Variants in DHTKD1 observed in about 807,000 individuals in gnomAD.
The protein encoded by DHTKD1 is dehydrogenase E1 and transketolase domain containing 1, also known as 2-oxoadipate dehydrogenase complex component E1.
A neutral mutation model predicts 101.8 loss-of-function variants in DHTKD1; 78 were observed. The observed-to-expected ratio is 0.77, with a 90% CI of 0.64 to 0.93. The LOEUF (loss-of-function observed/expected upper bound fraction) is 0.93. Ranked by LOEUF, DHTKD1 falls within the 40% of genes least tolerant of loss-of-function variation. The pLI is 0.00. For missense variants in DHTKD1, 1,223 were observed against 1,161.7 expected (o/e 1.05, Z -0.77); for synonymous variants, 462 against 450.3 (o/e 1.03, Z -0.33).
At chr10:12,092,072 C>T (rs1035257371) in intron 6 of DHTKD1, among the ~76,000 whole-genome samples, 1 of 151,592 alleles carries the variant, frequency 6.6e-6, no homozygotes, top group Non-Finnish European at 1.5e-5. Context: ...CAACCTCCGC[C>T]TTTCAGGTTC....
At chr10:12,105,235 A>G (rs1833224518) in intron 10 of DHTKD1, among the ~76,000 whole-genome samples, 1 of 152,234 alleles carries the variant, frequency 6.6e-6, no homozygotes, top group African/African-American at 2.4e-5. Flanking sequence ...CTTTTGATTT[A>G]CCATGCAAAT....
chr10:12,080,509 A>G (rs1832799089), intron 1 of DHTKD1, among the ~76,000 whole-genome samples: 2 of 151,764 alleles, frequency 1.3e-5, no homozygotes, highest in Non-Finnish European at 2.9e-5. Context: ...CAGGAGATCA[A>G]GACCATCCTG....
chr10:12,106,480 C>A, intron 11 of DHTKD1, 84 bp downstream of exon 11: 1 of 1,552,712 alleles, frequency 6.4e-7, no homozygotes, highest in Non-Finnish European at 8.8e-7. Flanking sequence ...GAAAAGGGGC[C>A]ACTGCTGCCT....
At chr10:12,106,982 C>CTT (rs1403897195) in intron 11 of DHTKD1, among the ~76,000 whole-genome samples, 3 of 149,484 alleles carry the variant, frequency 2.0e-5, no homozygotes, top group South Asian at 4.2e-4. Context: ...CATTCTTTTT[C>CTT]TTTTCTTTTT....
chr10:12,101,494 T>G (rs751269849), intron 10 of DHTKD1, among the ~76,000 whole-genome samples: 3 of 152,244 alleles, frequency 2.0e-5, no homozygotes, highest in African/African-American at 7.2e-5. Flanking sequence ...GTCAAAGATA[T>G]GGATAAGTCA....
chr10:12,077,334 TCTC>T lies in DHTKD1; in HGVS notation c.155-4135_155-4133del, dbSNP rs375862330. 4.8e-3 allele frequency among the ~76,000 whole-genome samples: 734 copies of T among 152,146 alleles called. 16 individuals carry two copies. The highest frequency in any genetic ancestry group is 0.011 in the East Asian group (56 of 5,178). On this transcript the variant is annotated intron_variant, in intron 1 of 16. Transcript: ENST00000263035. ...CCTCTGCCTCCTGGGTTCAAGCAATTCTCCTACTTCATCTTCCTGAGTAGCTGG... is the reference window on the plus strand; with the variant it reads ...CCTCTGCCTCCTGGGTTCAAGCAATTCTACTTCATCTTCCTGAGTAGCTGG...
chr10:12,112,895 C>T lies in DHTKD1; in HGVS notation c.2155-5C>T, dbSNP rs1833355992. The T allele has an allele frequency of 1.3e-6, 2 of 1,589,798 alleles. No individual in the cohort carries two copies. The highest frequency in any genetic ancestry group is 1.7e-6 in the Non-Finnish European group (2 of 1,168,938). ...TCTTCTCCTTTCTTGCCACTTCTCT[C>T]CCAGATGTGTGACAGTGCGGAAGAG... On this transcript the variant is annotated splice_region_variant and splice_polypyrimidine_tract_variant and intron_variant, in intron 12 of 16. Transcript: ENST00000263035.
At position 12,089,090 on chromosome 10, in the gene DHTKD1, G is replaced by T; in HGVS notation, c.822G>T (p.Gly274=). 6.2e-7 allele frequency: 1 copy of T among 1,614,152 alleles called. No homozygotes were observed. Among genetic ancestry groups the T allele is most frequent in the Non-Finnish European group, 8.5e-7 (1 of 1,180,036 alleles). Residue 274 remains glycine, a synonymous_variant, in exon 5 of 17, where the codon GGG becomes GGT. Coordinates refer to ENST00000263035, the MANE Select transcript of DHTKD1 (RefSeq NM_018706.7). Reference sequence around the variant, plus strand: ...CCTCCTCTGTGGACCTGTACTTTGGGGCGCACCATCCCCTCCATGTGACAA... The same window carrying T: ...CCTCCTCTGTGGACCTGTACTTTGGTGCGCACCATCCCCTCCATGTGACAA... ...HLTSSVDLYF[G]AHHPLHVTML...
intron 1 of DHTKD1, among the ~76,000 whole-genome samples, chr10:12,070,770 T>A (rs1832640029): frequency 6.6e-6 from 1 of 152,224 alleles, no homozygotes; most frequent in South Asian, 2.1e-4. Flanking sequence ...ATTACAGGCA[T>A]GAGCCACCGT....
At chr10:12,088,918 C>T in intron 4 of DHTKD1, 68 bp from the exon 5 acceptor site, 1 of 1,413,478 alleles carries the variant, frequency 7.1e-7, no homozygotes. Flanking sequence ...GATTTCAACT[C>T]AGCACTTCTT....
rs1052172123 is a variant in DHTKD1, at chr10:12,107,583, A to G, written c.2048-326A>G. On this transcript the variant is annotated intron_variant, in intron 11 of 16. Coordinates refer to ENST00000263035, the MANE Select transcript of DHTKD1 (RefSeq NM_018706.7). This position sits in a 1 kb window ranked among gnomAD's most constrained non-coding sequence, Gnocchi z 4.1. ...CAGACATGTGCCACTACAGCTGGCT[A>G]ATTTTTGTATTTTTAGTAGAGACGG... is the stretch of plus-strand genomic sequence containing the variant. 6.6e-6 allele frequency among the ~76,000 whole-genome samples: 1 copy of G among 151,578 alleles called. No individual in the cohort carries two copies. Among genetic ancestry groups the G allele is most frequent in the Admixed American group, 6.6e-5 (1 of 15,208 alleles).
At chr10:12,092,311 A>G (rs1833003645) in intron 6 of DHTKD1, among the ~76,000 whole-genome samples, 1 of 152,048 alleles carries the variant, frequency 6.6e-6, no homozygotes, top group Non-Finnish European at 1.5e-5. Context: ...ATCCAAAGAA[A>G]TAAGACAAGG....
At chr10:12,086,972 C>T (rs1832912959) in intron 3 of DHTKD1, among the ~76,000 whole-genome samples, 3 of 152,174 alleles carry the variant, frequency 2.0e-5, no homozygotes. Flanking sequence ...CAGACGTGAA[C>T]CACCATGCCT....
rs41306808 is a variant in DHTKD1 at position 12,122,787 on chromosome 10, C to G, written c.*1899C>G. 8,406 of 152,222 alleles carry G rather than the reference C, an allele frequency of 0.055. 347 individuals are homozygous for G. The highest frequency in any genetic ancestry group is 0.083 in the Non-Finnish European group (5,623 of 68,032). The allele number at this position is 152,222 out of a possible 1,614,324, so 9.4% of individuals were successfully genotyped here. ...CTGGAAACGTAACTAAACAGCGAAC[C>G]ATGTAGCTTCACCTGACTCAGTGCT... On this transcript the variant is annotated 3_prime_UTR_variant, in exon 17 of 17. Coordinates refer to ENST00000263035, the MANE Select transcript of DHTKD1 (RefSeq NM_018706.7).
intron 2 of DHTKD1, among the ~76,000 whole-genome samples, chr10:12,083,853 C>T (rs1652049983): frequency 6.6e-6 from 1 of 152,062 alleles, no homozygotes; most frequent in South Asian, 2.1e-4. Context: ...GCTTCATGAC[C>T]TTTGACCATA....
At chr10:12,097,403 G>A (rs972723850) in intron 7 of DHTKD1, among the ~76,000 whole-genome samples, 1 of 152,110 alleles carries the variant, frequency 6.6e-6, no homozygotes, top group Admixed American at 6.6e-5. Flanking sequence ...CTCCTGAGTA[G>A]CTGGGATTAC....
intron 3 of DHTKD1, among the ~76,000 whole-genome samples, chr10:12,085,850 G>T (rs1311607661): frequency 6.6e-6 from 1 of 152,174 alleles, no homozygotes; most frequent in Non-Finnish European, 1.5e-5. Context: ...TCACACCACT[G>T]CAGTGAGCTA....
intron 2 of DHTKD1, 52 bp from the exon 3 acceptor site, chr10:12,084,488 G>A (rs1832870045): frequency 8.3e-7 from 1 of 1,204,560 alleles, no homozygotes; most frequent in Admixed American, 1.7e-5. Context: ...TCAACATCAT[G>A]TTAAGGAACA....
In DHTKD1 at chr10:12,084,491, A is replaced by T. The variant is rs11257527; in HGVS notation, c.311-49A>T. On this transcript the variant is annotated intron_variant, in intron 2 of 16. Coordinates refer to ENST00000263035, the MANE Select transcript of DHTKD1 (RefSeq NM_018706.7). ...TATATAATAATCTCAACATCATGTTAAGGAACATGATTATTTTTTAAGATG... is the reference window on the plus strand; with the variant it reads ...TATATAATAATCTCAACATCATGTTTAGGAACATGATTATTTTTTAAGATG... The T allele has an allele frequency of 0.57, 689,669 of 1,202,128 alleles. 203,089 individuals are homozygous for T. The highest frequency in any genetic ancestry group is 0.72 in the South Asian group (58,884 of 81,882). The allele number at this position is 1,202,128 out of a possible 1,614,324, so 74.5% of individuals were successfully genotyped here. A position where few individuals can be genotyped will look rare whatever the true frequency, so the allele number is the denominator to read the frequency against.
Sources: gnomAD v4.1 joint callset for allele counts (sites outside exome capture counted in the v4.1 genomes callset) on GRCh38, gnomAD v4.1.1 for gene constraint, Gnocchi (gnomAD v3.1) non-coding constraint, MANE v1.5 for transcripts, NCBI Gene and HGNC (gene_info 2026-07-23, HGNC 2026-07-21) for gene names.